Variants in FAR2 observed in about 807,000 individuals in gnomAD.
FAR2 encodes fatty acyl-CoA reductase 2.
A neutral mutation model predicts 56.0 loss-of-function variants in FAR2; 19 were observed. That is an observed-to-expected ratio of 0.34 (90% CI 0.24 to 0.50). The LOEUF (loss-of-function observed/expected upper bound fraction) is 0.50, where lower values mean the gene tolerates loss of function less well. FAR2 is among the 20% of genes least tolerant of loss of function. The probability of loss-of-function intolerance (pLI) is 0.98; values close to 1 mark genes in which losing one functional copy is unlikely to be tolerated. For synonymous variants in FAR2, 219 were observed against 218.8 expected (o/e 1.00, Z -0.01); for missense variants, 508 against 642.2 (o/e 0.79, Z 2.26).
At chr12:29,251,343 C>T (rs1284961544) in intron 1 of FAR2, among the ~76,000 whole-genome samples, 1 of 152,094 alleles carries the variant, frequency 6.6e-6, no homozygotes. Flanking sequence ...CCAGACTTCC[C>T]CAAAGGCACC....
chr12:29,270,319 C>A, intron 1 of FAR2, 93 bp from the exon 2 acceptor site: 1 of 983,964 alleles, frequency 1.0e-6, no homozygotes, highest in Non-Finnish European at 1.4e-6. Context: ...TTTCTGCATT[C>A]AAAGCTCTTG....
intron 1 of FAR2, among the ~76,000 whole-genome samples, chr12:29,268,430 C>T (rs955204028): frequency 1.1e-4 from 16 of 152,236 alleles, no homozygotes; most frequent in African/African-American, 3.9e-4. Flanking sequence ...GTTTCTGCAG[C>T]AAGAGTTGCA....
intron 1 of FAR2, among the ~76,000 whole-genome samples, chr12:29,189,216 A>G (rs535672495): frequency 6.6e-6 from 1 of 152,236 alleles, no homozygotes; most frequent in Admixed American, 6.5e-5. Flanking sequence ...TTCCTCACTT[A>G]TCTCTTTATT....
chr12:29,275,469 T>C (rs1476589616), intron 2 of FAR2, among the ~76,000 whole-genome samples: 2 of 152,154 alleles, frequency 1.3e-5, no homozygotes, highest in Non-Finnish European at 2.9e-5. Flanking sequence ...GCCTGACAGG[T>C]ATATACCCAG....
At chr12:29,162,082 G>T (rs1949786545) in intron 1 of FAR2, among the ~76,000 whole-genome samples, 1 of 151,990 alleles carries the variant, frequency 6.6e-6, no homozygotes, top group Non-Finnish European at 1.5e-5. Flanking sequence ...TGGCCTTTTT[G>T]CTCTTTTTTA....
intron 4 of FAR2, among the ~76,000 whole-genome samples, chr12:29,298,743 T>C (rs1307250598): frequency 6.6e-6 from 1 of 152,186 alleles, no homozygotes; most frequent in African/African-American, 2.4e-5. Context: ...GTTACCCTCT[T>C]ATGGTGTTGT....
At chr12:29,187,128 G>A (rs1377562805) in intron 1 of FAR2, among the ~76,000 whole-genome samples, 11 of 152,206 alleles carry the variant, frequency 7.2e-5, no homozygotes, top group South Asian at 2.1e-4. Flanking sequence ...TAGTATTTGC[G>A]TAATTTTTCT....
intron 1 of FAR2, among the ~76,000 whole-genome samples, chr12:29,248,957 C>A (rs1246078407): frequency 1.3e-5 from 2 of 152,200 alleles, no homozygotes; most frequent in African/African-American, 2.4e-5. Flanking sequence ...TGAACAATTT[C>A]TGTTATCCTG....
intron 8 of FAR2, among the ~76,000 whole-genome samples, chr12:29,313,875 C>A (rs1949397105): frequency 6.6e-6 from 1 of 151,764 alleles, no homozygotes; most frequent in South Asian, 2.1e-4. Context: ...TGATATATTG[C>A]CTTATCTCTA....
intron 2 of FAR2, chr12:29,278,006 A>G (rs1948730025): frequency 7.3e-6 from 1 of 136,996 alleles, no homozygotes; most frequent in African/African-American, 2.7e-5. Flanking sequence ...CAATCAGCTC[A>G]CTGTAACCTT....
In FAR2 at chr12:29,279,839, G is replaced by A. The variant is rs796209700; in HGVS notation, c.189+9201G>A. 3.9e-5 allele frequency among the ~76,000 whole-genome samples: 6 copies of A among 152,078 alleles called. No homozygotes were observed. The South Asian group carries it at 1.2e-3, about 32-fold the overall frequency. On this transcript the variant is annotated intron_variant, in intron 2 of 11. Coordinates refer to ENST00000536681, the MANE Select transcript of FAR2 (RefSeq NM_001271783.2). ...GTCTTGTTTTTATTATTCATAAACT[G>A]TATCTGATAATAATAGCTATTTCAT... is the stretch of plus-strand genomic sequence containing the variant.
intron 1 of FAR2, among the ~76,000 whole-genome samples, chr12:29,202,714 C>A (rs1459207940): frequency 1.3e-5 from 2 of 152,110 alleles, no homozygotes; most frequent in Admixed American, 6.5e-5. Flanking sequence ...AAGCCTGGAA[C>A]CTCCTTCCCT....
chr12:29,262,626 A>G (rs996586599), intron 1 of FAR2, among the ~76,000 whole-genome samples: 4 of 152,074 alleles, frequency 2.6e-5, no homozygotes, highest in African/African-American at 7.2e-5. Flanking sequence ...GCAAAATTCC[A>G]TCTTCAAAAA....
intron 1 of FAR2, among the ~76,000 whole-genome samples, chr12:29,259,505 A>G (rs1948382002): frequency 6.6e-6 from 1 of 152,228 alleles, no homozygotes; most frequent in Non-Finnish European, 1.5e-5. Context: ...ATTTTCCATA[A>G]GAACCACCTA....
At chr12:29,323,342 G>T (rs1401758657) in intron 10 of FAR2, among the ~76,000 whole-genome samples, 4 of 152,340 alleles carry the variant, frequency 2.6e-5, no homozygotes, top group South Asian at 4.1e-4. Context: ...ACAAACAAAA[G>T]ACAGCAATAA....
chr12:29,256,720 C>T (rs1948323615), intron 1 of FAR2, among the ~76,000 whole-genome samples: 1 of 152,120 alleles, frequency 6.6e-6, no homozygotes, highest in Non-Finnish European at 1.5e-5. Context: ...GTGGGCTTGG[C>T]GGGCCCTGCA....
In FAR2 at chr12:29,311,166, C is replaced by G; in HGVS notation, c.887+20C>G. The G allele has an allele frequency of 2.6e-6, 4 of 1,521,916 alleles. No individual in the cohort carries two copies. Among genetic ancestry groups the G allele is most frequent in the Non-Finnish European group, 3.6e-6 (4 of 1,096,538 alleles). 94.3% of individuals were successfully genotyped at this position (1,521,916 alleles called of 1,614,324 possible). ...TCACAGGTGTGGATGCTCAAGTGGG[C>G]TTTCAAAGACTTCATGAGGGGCAGA... On this transcript the variant is annotated intron_variant, in intron 7 of 11. Transcript: ENST00000536681.
intron 1 of FAR2, among the ~76,000 whole-genome samples, chr12:29,240,802 T>TA (rs34365857): frequency 0.64 from 97,370 of 151,622 alleles, 32,345 homozygotes; most frequent in African/African-American, 0.81. Flanking sequence ...TGTATGTATA[T>TA]TTTTTTTTAT....
At chr12:29,256,748 G>A (rs1436213805) in intron 1 of FAR2, among the ~76,000 whole-genome samples, 1 of 152,198 alleles carries the variant, frequency 6.6e-6, no homozygotes, top group Non-Finnish European at 1.5e-5. Context: ...CACTCGGCCG[G>A]CCCTGCCAGC....
Sources: gnomAD v4.1 joint callset for allele counts (sites outside exome capture counted in the v4.1 genomes callset) on GRCh38, gnomAD v4.1.1 for gene constraint, MANE v1.5 for transcripts, NCBI Gene and HGNC (gene_info 2026-07-23, HGNC 2026-07-21) for gene names.